ABCA13: variants seen among roughly 807,000 people sequenced by gnomAD.
ABCA13 encodes the protein ATP-binding cassette sub-family A member 13.
Under a neutral mutation model 478.7 loss-of-function variants are expected in ABCA13, and 476 were observed. That is an observed-to-expected ratio of 0.99 (90% CI 0.92 to 1.07). The LOEUF (loss-of-function observed/expected upper bound fraction) is 1.07. Ranked by LOEUF, ABCA13 falls within the 50% of genes least tolerant of loss-of-function variation. ABCA13 has a pLI of 0.00. For synonymous variants in ABCA13, 2,252 were observed against 2,158.9 expected (o/e 1.04, Z -1.20); for missense variants, 6,060 against 5,910.6 (o/e 1.03, Z -0.83).
intron 55 of ABCA13, among the ~76,000 whole-genome samples, chr7:48,549,903 G>A (rs1785154827): frequency 6.6e-6 from 1 of 151,754 alleles, no homozygotes; most frequent in Non-Finnish European, 1.5e-5. Context: ...ACTTTTTGAT[G>A]GGATTGTTTG....
chr7:48,622,958 A>G (rs1442399925), intron 59 of ABCA13, among the ~76,000 whole-genome samples: 1 of 152,200 alleles, frequency 6.6e-6, no homozygotes, highest in East Asian at 1.9e-4. Flanking sequence ...ATGATGCATC[A>G]TCTCATGATT....
intron 59 of ABCA13, among the ~76,000 whole-genome samples, chr7:48,633,915 CATAGATAGATAGATACATAGATAGATAG>C (rs1250198691): frequency 8.5e-6 from 1 of 116,970 alleles, no homozygotes; most frequent in African/African-American, 3.3e-5. Context: ...TAGATAGATA[CATAGATAGATAGATACATAGATAGATAG>C]ATAGATAGAT....
chr7:48,215,408 C>T (rs891244925), intron 3 of ABCA13, among the ~76,000 whole-genome samples: 1 of 152,132 alleles, frequency 6.6e-6, no homozygotes, highest in East Asian at 1.9e-4. Flanking sequence ...TATCAAAGAT[C>T]ACTGATTACA....
rs200368372 is a variant in ABCA13, at chr7:48,558,670, TC to T, written c.14355-21553del. Among the ~76,000 whole-genome samples, 944 of 152,314 alleles carry T rather than the reference TC, an allele frequency of 6.2e-3. 10 individuals are homozygous for T. The highest frequency in any genetic ancestry group is 0.022 in the African/African-American group (898 of 41,572). On this transcript the variant is annotated intron_variant, in intron 55 of 61. Coordinates refer to ENST00000435803, the MANE Select transcript of ABCA13 (RefSeq NM_152701.5). ...TTTTTCAATCTCTTTATTAAATTTA[TC>T]TGATAGAATTCTGAATTCCTTCTCT...
At chr7:48,365,883 T>C (rs1426280441) in intron 31 of ABCA13, among the ~76,000 whole-genome samples, 1 of 152,190 alleles carries the variant, frequency 6.6e-6, no homozygotes, top group African/African-American at 2.4e-5. Context: ...AGATATCCTA[T>C]GCTTATTGAT....
chr7:48,579,962 T>G (rs567383314), intron 55 of ABCA13, among the ~76,000 whole-genome samples: 3 of 152,184 alleles, frequency 2.0e-5, no homozygotes, highest in Non-Finnish European at 2.9e-5. Flanking sequence ...TTTTAGGCAG[T>G]TAAGGAGAGA....
At chr7:48,333,247 C>G (rs1805686351) in intron 27 of ABCA13, among the ~76,000 whole-genome samples, 2 of 152,094 alleles carry the variant, frequency 1.3e-5, no homozygotes, top group African/African-American at 4.8e-5. Context: ...CTAGTGAGTT[C>G]TTGTATTTGC....
At chr7:48,311,701 T>C (rs1225894706) in intron 24 of ABCA13, among the ~76,000 whole-genome samples, 26 of 152,206 alleles carry the variant, frequency 1.7e-4, no homozygotes, top group Admixed American at 1.7e-3. Flanking sequence ...CTCTTATTTA[T>C]CAGGTACCTT....
At chr7:48,380,164 T>C (rs1814120299) in intron 35 of ABCA13, among the ~76,000 whole-genome samples, 1 of 152,232 alleles carries the variant, frequency 6.6e-6, no homozygotes, top group Non-Finnish European at 1.5e-5. Context: ...AATGGTCTTA[T>C]TGTGCTATAC....
rs200900565 is a variant in ABCA13, at chr7:48,293,634, T to C, written c.8956-2066T>C. 1.1e-4 allele frequency among the ~76,000 whole-genome samples: 16 copies of C among 152,308 alleles called. No homozygotes were observed. The East Asian group carries it at 1.7e-3, about 17-fold the overall frequency. On this transcript the variant is annotated intron_variant, in intron 20 of 61. Transcript: ENST00000435803. ...ATGTGTATGTTTATAGACATAGATGTTATATGTTTGTGGTGTTTTCTGGGT... is the reference window on the plus strand; with the variant it reads ...ATGTGTATGTTTATAGACATAGATGCTATATGTTTGTGGTGTTTTCTGGGT...
intron 51 of ABCA13, among the ~76,000 whole-genome samples, chr7:48,513,686 A>G (rs1375906445): frequency 2.0e-5 from 3 of 152,190 alleles, no homozygotes; most frequent in African/African-American, 7.2e-5. Context: ...CATTAAAATG[A>G]TATTATATTT....
At chr7:48,335,297 G>A (rs1806073809) in intron 27 of ABCA13, 125 bp from the exon 28 acceptor site, 2 of 584,996 alleles carry the variant, frequency 3.4e-6, no homozygotes, top group African/African-American at 1.9e-5. Context: ...TATTGAGGAA[G>A]GCATTAGCTG....
intron 15 of ABCA13, among the ~76,000 whole-genome samples, chr7:48,258,577 GTCT>G (rs1277633997): frequency 6.6e-6 from 1 of 151,882 alleles, no homozygotes; most frequent in Non-Finnish European, 1.5e-5. Context: ...TTGTGTGTGT[GTCT>G]TCATTTTCCT....
At chr7:48,551,874 T>A (rs1018791976) in intron 55 of ABCA13, among the ~76,000 whole-genome samples, 1 of 151,802 alleles carries the variant, frequency 6.6e-6, no homozygotes, top group Non-Finnish European at 1.5e-5. Flanking sequence ...CTCACCAGAC[T>A]CTGGGCATTA....
chr7:48,623,258 T>C (rs1367568318), intron 59 of ABCA13, among the ~76,000 whole-genome samples: 1 of 152,232 alleles, frequency 6.6e-6, no homozygotes, highest in African/African-American at 2.4e-5. Context: ...AATTTCTAAT[T>C]TCCTGAGAGA....
chr7:48,212,212 A>G (rs1181522222), intron 3 of ABCA13, among the ~76,000 whole-genome samples: 1 of 152,060 alleles, frequency 6.6e-6, no homozygotes, highest in East Asian at 1.9e-4. Flanking sequence ...GTTGCATTCT[A>G]TTGTGATAGG....
chr7:48,375,952 T>C (rs1813410759), intron 34 of ABCA13, among the ~76,000 whole-genome samples: 1 of 152,134 alleles, frequency 6.6e-6, no homozygotes, highest in Non-Finnish European at 1.5e-5. Flanking sequence ...GGGGAATATT[T>C]TTCTTAAGTT....
intron 55 of ABCA13, among the ~76,000 whole-genome samples, chr7:48,533,919 A>G (rs566701270): frequency 1.3e-5 from 2 of 152,136 alleles, no homozygotes; most frequent in Non-Finnish European, 2.9e-5. Context: ...TGAAGACAGC[A>G]GAAATTTGGT....
intron 60 of ABCA13, among the ~76,000 whole-genome samples, chr7:48,644,402 G>T (rs1795300133): frequency 6.6e-6 from 1 of 152,122 alleles, no homozygotes; most frequent in Non-Finnish European, 1.5e-5. Context: ...GAGCATATCA[G>T]GGGGCAGAAC....
Sources: gnomAD v4.1 joint callset for allele counts (sites outside exome capture counted in the v4.1 genomes callset) on GRCh38, gnomAD v4.1.1 for gene constraint, MANE v1.5 for transcripts, NCBI Gene and HGNC (gene_info 2026-07-23, HGNC 2026-07-21) for gene names.